The following NKAIN2 variants were observed in gnomAD, a reference collection of about 807,000 sequenced individuals.
NKAIN2 encodes sodium/potassium transporting ATPase interacting 2.
Under a neutral mutation model 32.6 loss-of-function variants are expected in NKAIN2, and 14 were observed. The ratio of observed to expected loss-of-function variants is 0.43; its 90% CI spans 0.28 to 0.67. The LOEUF (loss-of-function observed/expected upper bound fraction) is 0.67. NKAIN2 is among the 30% of genes least tolerant of loss of function. The pLI, the probability that NKAIN2 is intolerant of heterozygous loss-of-function variation, is 0.17. For synonymous variants in NKAIN2, 80 were observed against 87.2 expected (o/e 0.92, Z 0.46); for missense variants, 198 against 258.3 (o/e 0.77, Z 1.60).
intron 1 of NKAIN2, among the ~76,000 whole-genome samples, chr6:124,093,979 G>T (rs1410917043): frequency 6.6e-6 from 1 of 152,108 alleles, no homozygotes; most frequent in Non-Finnish European, 1.5e-5. Flanking sequence ...ATTTTAACTG[G>T]CAGGCAAGGC....
At chr6:124,056,898 G>A (rs960698974) in intron 1 of NKAIN2, among the ~76,000 whole-genome samples, 13 of 151,912 alleles carry the variant, frequency 8.6e-5, no homozygotes, top group African/African-American at 3.1e-4. Flanking sequence ...GAGTTTCCTG[G>A]AGCTGTCACT....
chr6:123,911,956 G>A (rs1775236158), intron 1 of NKAIN2, among the ~76,000 whole-genome samples: 1 of 150,120 alleles, frequency 6.7e-6, no homozygotes. Flanking sequence ...CTATGTTTTG[G>A]ACTAAAGTTT....
intron 1 of NKAIN2, among the ~76,000 whole-genome samples, chr6:123,831,749 G>A (rs1398437578): frequency 7.4e-5 from 11 of 149,452 alleles, no homozygotes; most frequent in Non-Finnish European, 1.0e-4. Flanking sequence ...TCCGCCTCCC[G>A]GGTTCATGCC....
At chr6:124,228,446 G>A (rs1039709718) in intron 1 of NKAIN2, among the ~76,000 whole-genome samples, 13 of 152,144 alleles carry the variant, frequency 8.5e-5, no homozygotes, top group African/African-American at 3.1e-4. Flanking sequence ...TTGTTTGTAA[G>A]GCATCCAGGC....
chr6:124,252,088 A>G (rs1793714262), intron 1 of NKAIN2, among the ~76,000 whole-genome samples: 1 of 152,054 alleles, frequency 6.6e-6, no homozygotes, highest in Admixed American at 6.6e-5. Context: ...TATACATATA[A>G]CGGTAACATT....
At chr6:124,023,396 T>C (rs1178995829) in intron 1 of NKAIN2, among the ~76,000 whole-genome samples, 2 of 152,108 alleles carry the variant, frequency 1.3e-5, no homozygotes, top group Non-Finnish European at 2.9e-5. Context: ...TCATACAGCC[T>C]ATTCTCTGAA....
At chr6:124,135,963 C>A (rs1786761420) in intron 1 of NKAIN2, among the ~76,000 whole-genome samples, 1 of 151,494 alleles carries the variant, frequency 6.6e-6, no homozygotes, top group Non-Finnish European at 1.5e-5. Context: ...AATGTCACAC[C>A]TCAAGGAAAT....
chr6:124,663,640 AG>A (rs1772607297), intron 4 of NKAIN2, among the ~76,000 whole-genome samples: 1 of 152,170 alleles, frequency 6.6e-6, no homozygotes, highest in African/African-American at 2.4e-5. Flanking sequence ...AGGTGACTAT[AG>A]GAGAAAGAAG....
chr6:123,942,521 G>T (rs188841719), intron 1 of NKAIN2, among the ~76,000 whole-genome samples: 5 of 152,084 alleles, frequency 3.3e-5, no homozygotes, highest in Admixed American at 6.6e-5. Context: ...TTTGACGCAA[G>T]ACTAAATTTT....
At chr6:124,608,130 CA>C in intron 3 of NKAIN2, among the ~76,000 whole-genome samples, 1 of 152,096 alleles carries the variant, frequency 6.6e-6, no homozygotes, top group Non-Finnish European at 1.5e-5. Context: ...AAACCGAAGC[CA>C]AAAAGAACTA....
rs533299631 is a variant in NKAIN2 at position 124,152,196 on chromosome 6, T to C, written c.55-130809T>C. On this transcript the variant is annotated intron_variant, in intron 1 of 6. Transcript: ENST00000368417. ...GATGTCCAGTTGATCCAAAATATTA[T>C]ATTGAAAAAACCCCTCTTTTGCCAC... Among the ~76,000 whole-genome samples the C allele has an allele frequency of 3.3e-5, 5 of 152,086 alleles. No individual in the cohort carries two copies. The East Asian group carries it at 9.7e-4, about 29-fold the overall frequency.
chr6:123,944,715 T>A (rs1776987111), intron 1 of NKAIN2, among the ~76,000 whole-genome samples: 1 of 151,924 alleles, frequency 6.6e-6, no homozygotes, highest in African/African-American at 2.4e-5. Flanking sequence ...AATTAGAGAG[T>A]TTACTTTGGG....
chr6:124,468,434 CAG>C (rs1330117093), intron 3 of NKAIN2, among the ~76,000 whole-genome samples: 1 of 152,028 alleles, frequency 6.6e-6, no homozygotes, highest in Non-Finnish European at 1.5e-5. Flanking sequence ...GATTTCAAGG[CAG>C]AGTTTATAGG....
intron 2 of NKAIN2, among the ~76,000 whole-genome samples, chr6:124,326,752 A>G (rs965683928): frequency 6.6e-6 from 1 of 152,050 alleles, no homozygotes; most frequent in Non-Finnish European, 1.5e-5. Context: ...GTATAATTAG[A>G]TTTTCTGGTA....
At chr6:124,110,850 T>C (rs4896075) in intron 1 of NKAIN2, among the ~76,000 whole-genome samples, 100,096 of 152,016 alleles carry the variant, frequency 0.66, 33,102 homozygotes, top group East Asian at 0.75. Context: ...AGCGCTGAGA[T>C]GGACATGCAA....
chr6:124,703,246 T>G (rs1350626754), intron 4 of NKAIN2, among the ~76,000 whole-genome samples: 1 of 151,766 alleles, frequency 6.6e-6, no homozygotes, highest in Admixed American at 6.6e-5. Flanking sequence ...AGGTATGATA[T>G]GTCCTCCAAA....
chr6:124,120,956 A>G (rs1785851310), intron 1 of NKAIN2, among the ~76,000 whole-genome samples: 1 of 152,170 alleles, frequency 6.6e-6, no homozygotes, highest in Non-Finnish European at 1.5e-5. Flanking sequence ...TCATGGTTCT[A>G]TTAAGGCACA....
intron 1 of NKAIN2, among the ~76,000 whole-genome samples, chr6:123,846,781 T>C (rs1775106961): frequency 6.6e-6 from 1 of 152,094 alleles, no homozygotes; most frequent in Non-Finnish European, 1.5e-5. Context: ...TGGAATTATC[T>C]TTTCTAAAGG....
chr6:124,696,544 A>G (rs913866010), intron 4 of NKAIN2, among the ~76,000 whole-genome samples: 16 of 152,102 alleles, frequency 1.1e-4, no homozygotes, highest in African/African-American at 3.6e-4. Flanking sequence ...TGTTCCTCTT[A>G]TAAGCCTGAT....
Sources: gnomAD v4.1 joint callset for allele counts (sites outside exome capture counted in the v4.1 genomes callset) on GRCh38, gnomAD v4.1.1 for gene constraint, MANE v1.5 for transcripts, NCBI Gene and HGNC (gene_info 2026-07-23, HGNC 2026-07-21) for gene names.